The following TEX9 variants were observed in gnomAD, a reference collection of about 807,000 sequenced individuals.
TEX9 encodes the protein testis expressed 9, also known as testis-expressed protein 9.
In TEX9, 74 loss-of-function variants were observed where a neutral mutation model predicts 59.6. That is an observed-to-expected ratio of 1.24 (90% CI 1.03 to 1.51). The LOEUF is 1.51. Ranked by LOEUF, TEX9 falls within the 40% of genes most tolerant of loss-of-function variation. The pLI is 0.00. For missense variants in TEX9, 522 were observed against 447.8 expected (o/e 1.17, Z -1.49); for synonymous variants, 186 against 152.2 (o/e 1.22, Z -1.64).
intron 3 of TEX9, among the ~76,000 whole-genome samples, chr15:56,380,968 G>A (rs2047698908): frequency 6.6e-6 from 1 of 152,096 alleles, no homozygotes; most frequent in Non-Finnish European, 1.5e-5. Flanking sequence ...ACTTTCTCAA[G>A]GTTTGGGAAG....
intron 1 of TEX9, among the ~76,000 whole-genome samples, chr15:56,277,240 T>C (rs2044692590): frequency 6.6e-6 from 1 of 152,212 alleles, no homozygotes; most frequent in African/African-American, 2.4e-5. Context: ...AGTCATGAAG[T>C]CTTTGTCCGT....
At chr15:56,392,873 C>G (rs2048284302) in intron 7 of TEX9, among the ~76,000 whole-genome samples, 1 of 152,096 alleles carries the variant, frequency 6.6e-6, no homozygotes, top group African/African-American at 2.4e-5. Context: ...ACTTTGCCTC[C>G]CTGTGTTCCC....
At chr15:56,431,550 A>C (rs2050596835) in intron 12 of TEX9, 1 of 1,592,374 alleles carries the variant, frequency 6.3e-7, no homozygotes, top group Middle Eastern at 1.9e-4. Flanking sequence ...ATCTTATACG[A>C]AGTTTTCAAA....
intron 1 of TEX9, among the ~76,000 whole-genome samples, chr15:56,252,301 A>G (rs779736790): frequency 1.4e-4 from 21 of 151,652 alleles, no homozygotes; most frequent in African/African-American, 4.4e-4. Context: ...TCTTCTCTAT[A>G]TCTCCAACAT....
intron 1 of TEX9, among the ~76,000 whole-genome samples, chr15:56,325,820 C>T (rs968219416): frequency 1.3e-5 from 2 of 152,132 alleles, no homozygotes; most frequent in Non-Finnish European, 2.9e-5. Flanking sequence ...TTTAAGTCAA[C>T]ATTTTTTGAC....
At chr15:56,401,564 G>A (rs373804195) in intron 9 of TEX9, among the ~76,000 whole-genome samples, 241 of 152,218 alleles carry the variant, frequency 1.6e-3, no homozygotes, top group African/African-American at 5.6e-3. Flanking sequence ...ACACCCCACT[G>A]TCAGTATTAG....
chr15:56,427,223 C>T (rs916759591), intron 10 of TEX9, among the ~76,000 whole-genome samples: 4 of 152,046 alleles, frequency 2.6e-5, no homozygotes, highest in African/African-American at 7.2e-5. Flanking sequence ...AGGATCATAT[C>T]GCTTCCAGTT....
intron 10 of TEX9, among the ~76,000 whole-genome samples, chr15:56,424,104 A>ATAGAG (rs1174339428): frequency 6.6e-6 from 1 of 152,120 alleles, no homozygotes. Flanking sequence ...TACTTTTACT[A>ATAGAG]TAGAGTAGTC....
intron 1 of TEX9, among the ~76,000 whole-genome samples, chr15:56,340,319 A>T (rs2046348073): frequency 6.6e-6 from 1 of 152,162 alleles, no homozygotes; most frequent in Admixed American, 6.5e-5. Context: ...TCACTGTGAG[A>T]TAGACTTGGG....
In TEX9 at chr15:56,326,351, G is replaced by A. The variant is rs532988955; in HGVS notation, c.-106-47090G>A. 5.3e-5 allele frequency among the ~76,000 whole-genome samples: 8 copies of A among 152,014 alleles called. No homozygotes were observed. The East Asian group carries it at 5.8e-4, about 11-fold the overall frequency. On this transcript the variant is annotated intron_variant, in intron 1 of 5. Transcript: ENST00000560827. Reference sequence around the variant, plus strand: ...CATGCCCACACCACAGCTTCAAAACGAAAACTTGTAGACAAATATATTTAC... The same window carrying A: ...CATGCCCACACCACAGCTTCAAAACAAAAACTTGTAGACAAATATATTTAC...
rs572689928 is a variant in TEX9, at chr15:56,424,520, C to CACAT, written c.964-3082_964-3081insTACA. 2.2e-3 allele frequency among the ~76,000 whole-genome samples: 338 copies of CACAT among 152,146 alleles called. 1 individual carries two copies. The highest frequency in any genetic ancestry group is 3.7e-3 in the Non-Finnish European group (250 of 67,970). ...TTTGGGAGGTCTGTTGCTGTTTGTT[C>CACAT]ACAATTTTATGTATGTCTTGAGGAC... On this transcript the variant is annotated intron_variant, in intron 10 of 12. Coordinates refer to ENST00000352903, the Ensembl canonical transcript of TEX9.
chr15:56,316,922 G>A (rs550436928), intron 1 of TEX9, among the ~76,000 whole-genome samples: 53 of 152,010 alleles, frequency 3.5e-4, no homozygotes, highest in African/African-American at 1.2e-3. Flanking sequence ...TCCAGGTGCC[G>A]TCCGTCACCC....
intron 1 of TEX9, among the ~76,000 whole-genome samples, chr15:56,351,204 G>C (rs1397559443): frequency 6.6e-6 from 1 of 152,136 alleles, no homozygotes; most frequent in Non-Finnish European, 1.5e-5. Context: ...CACAAGAAAT[G>C]TGTAGATCCA....
intron 1 of TEX9, among the ~76,000 whole-genome samples, chr15:56,285,130 A>G (rs1336446300): frequency 1.3e-5 from 2 of 152,018 alleles, no homozygotes; most frequent in African/African-American, 2.4e-5. Flanking sequence ...CTTCTATGAG[A>G]TTACTTTCCT....
At chr15:56,405,301 C>T (rs1160865851) in intron 9 of TEX9, among the ~76,000 whole-genome samples, 6 of 143,944 alleles carry the variant, frequency 4.2e-5, no homozygotes, top group South Asian at 2.2e-4. Flanking sequence ...AGCAAGACTC[C>T]GTCTCAAAGA....
intron 4 of TEX9, among the ~76,000 whole-genome samples, chr15:56,384,983 T>G (rs2047898112): frequency 6.6e-6 from 1 of 152,228 alleles, no homozygotes. Flanking sequence ...GCTTTATGGT[T>G]TTAACTCTTA....
chr15:56,252,990 G>C (rs1276690186), intron 1 of TEX9, among the ~76,000 whole-genome samples: 1 of 151,982 alleles, frequency 6.6e-6, no homozygotes, highest in Non-Finnish European at 1.5e-5. Flanking sequence ...TTTTCTGGAA[G>C]GTAGAGAGGA....
chr15:56,251,083 G>C (rs1158819496), intron 1 of TEX9, among the ~76,000 whole-genome samples: 2 of 152,108 alleles, frequency 1.3e-5, no homozygotes, highest in Non-Finnish European at 2.9e-5. Flanking sequence ...GGGCCAACCT[G>C]TCTCCTTTCC....
intron 1 of TEX9, among the ~76,000 whole-genome samples, chr15:56,331,596 T>G (rs2046145536): frequency 6.6e-6 from 1 of 152,124 alleles, no homozygotes; most frequent in African/African-American, 2.4e-5. Flanking sequence ...GAAAAATTTC[T>G]TGAAACAAAT....
Sources: gnomAD v4.1 joint callset for allele counts (sites outside exome capture counted in the v4.1 genomes callset) on GRCh38, gnomAD v4.1.1 for gene constraint, MANE v1.5 for transcripts, NCBI Gene and HGNC (gene_info 2026-07-23, HGNC 2026-07-21) for gene names.